The following MYCBP2 variants were observed in gnomAD, a reference collection of about 807,000 sequenced individuals.
MYCBP2 encodes the protein MYC binding protein 2.
MYCBP2 carries 120 observed loss-of-function variants against 525.3 expected under a neutral mutation model. That is an observed-to-expected ratio of 0.23 (90% CI 0.20 to 0.27). The LOEUF is 0.27. Ranked by LOEUF, MYCBP2 falls within the 10% of genes least tolerant of loss-of-function variation. The pLI, the probability that MYCBP2 is intolerant of heterozygous loss-of-function variation, is 1.00. For synonymous variants in MYCBP2, 1,894 were observed against 1,955.8 expected (o/e 0.97, Z 0.83); for missense variants, 4,149 against 5,657.1 (o/e 0.73, Z 8.55).
intron 80 of MYCBP2, among the ~76,000 whole-genome samples, chr13:77,054,529 A>T (rs556127831): frequency 1.8e-4 from 28 of 152,272 alleles, no homozygotes; most frequent in African/African-American, 6.7e-4. Context: ...TAATGGAAAG[A>T]AAAAAGGACT....
intron 21 of MYCBP2, among the ~76,000 whole-genome samples, chr13:77,213,683 A>G (rs963348437): frequency 2.6e-5 from 4 of 152,346 alleles, no homozygotes. Flanking sequence ...ATGTGGTTAT[A>G]AATAAGCCAC....
intron 61 of MYCBP2, chr13:77,087,863 C>G (rs2044623324): frequency 3.0e-6 from 1 of 331,106 alleles, no homozygotes; most frequent in African/African-American, 2.1e-5. Flanking sequence ...TCACTGCAGC[C>G]TCAAGCACCC....
chr13:77,122,573 C>T (rs2050922013), intron 54 of MYCBP2, among the ~76,000 whole-genome samples: 2 of 151,350 alleles, frequency 1.3e-5, no homozygotes, highest in South Asian at 4.2e-4. Context: ...CCTGTAGTCC[C>T]AGCTACTCAG....
At chr13:77,149,192 T>C (rs1331038784) in intron 47 of MYCBP2, among the ~76,000 whole-genome samples, 1 of 152,164 alleles carries the variant, frequency 6.6e-6, no homozygotes, top group Non-Finnish European at 1.5e-5. Context: ...CTTAATTATG[T>C]GTTGCTTCTT....
At chr13:77,315,166 T>C (rs1723718141) in intron 1 of MYCBP2, among the ~76,000 whole-genome samples, 1 of 152,150 alleles carries the variant, frequency 6.6e-6, no homozygotes, top group Admixed American at 6.5e-5. Context: ...TTCCCCAAAA[T>C]AAAATTCCAG....
chr13:77,166,454 C>T lies in MYCBP2; in HGVS notation c.6215G>A (p.Arg2072Lys), dbSNP rs1168195522. ...TCCATATCCTGAATTCTGAACAGTT[C>T]TGACAGGAATCAACAAACGAAGGAC... is the stretch of plus-strand genomic sequence containing the variant. ...EDVLRLLIPVRTVQNSGYGPK... is the reference protein window; with the variant it reads ...EDVLRLLIPVKTVQNSGYGPK... The change falls in exon 41 of 83, where the codon AGA (arginine) becomes AAA (lysine). Residue 2072 changes from arginine (R) to lysine (K), a missense_variant. By Grantham distance (26) the Arg-to-Lys change is conservative. Around this residue, in one of 21 missense-constraint regions of MYCBP2, gnomAD observed 692 missense variants for 852.7 expected, o/e 0.81. Transcript: ENST00000544440. The T allele has an allele frequency of 6.2e-7, 1 of 1,613,988 alleles. No homozygotes were observed. Among genetic ancestry groups the T allele is most frequent in the Admixed American group, 1.7e-5 (1 of 60,020 alleles).
At chr13:77,287,298 G>A (rs1053474418) in intron 3 of MYCBP2, among the ~76,000 whole-genome samples, 5 of 151,510 alleles carry the variant, frequency 3.3e-5, no homozygotes, top group African/African-American at 9.7e-5. Flanking sequence ...CAATTTTCCT[G>A]CCTCAGCCTC....
chr13:77,211,932 G>T (rs777356972), intron 22 of MYCBP2, 24 bp downstream of exon 22: 2 of 1,542,330 alleles, frequency 1.3e-6, no homozygotes, highest in Non-Finnish European at 1.8e-6. Flanking sequence ...TTTGGAAGGG[G>T]CATTTGTTTA....
At chr13:77,152,858 G>A (rs1409486791) in intron 46 of MYCBP2, among the ~76,000 whole-genome samples, 1 of 152,078 alleles carries the variant, frequency 6.6e-6, no homozygotes, top group Non-Finnish European at 1.5e-5. Context: ...AAGGTCAGGA[G>A]ATCGAGACCA....
intron 15 of MYCBP2, among the ~76,000 whole-genome samples, chr13:77,244,742 G>C (rs1337028888): frequency 6.6e-6 from 1 of 152,124 alleles, no homozygotes; most frequent in Non-Finnish European, 1.5e-5. Flanking sequence ...TACAGAATGG[G>C]AGAAAATTTT....
chr13:77,152,892 C>T (rs2056690972), intron 46 of MYCBP2, among the ~76,000 whole-genome samples: 2 of 151,842 alleles, frequency 1.3e-5, no homozygotes, highest in Non-Finnish European at 2.9e-5. Context: ...GGTGAAACCC[C>T]GTCTCTACTA....
chr13:77,261,443 A>G (rs1397341299), intron 11 of MYCBP2, 68 bp from the exon 12 acceptor site: 4 of 1,067,748 alleles, frequency 3.7e-6, no homozygotes, highest in Admixed American at 5.2e-5. Context: ...TCACATGAGG[A>G]AAAAAAAGGA....
At chr13:77,060,451 G>T (rs76751964) in intron 76 of MYCBP2, among the ~76,000 whole-genome samples, 4,483 of 152,284 alleles carry the variant, frequency 0.029, 95 homozygotes, top group East Asian at 0.053. Context: ...AATTGATTCG[G>T]ATTTACACCT....
chr13:77,176,461 C>G (rs762114397), intron 36 of MYCBP2, 36 bp downstream of exon 36: 2 of 1,519,106 alleles, frequency 1.3e-6, no homozygotes, highest in Admixed American at 1.8e-5. Context: ...ATAATAATAC[C>G]TCTTATTCAC....
chr13:77,098,843 T>C lies in MYCBP2; in HGVS notation c.8311A>G (p.Ile2771Val), dbSNP rs759111606. The C allele has an allele frequency of 2.3e-5, 37 of 1,613,568 alleles. No individual in the cohort carries two copies. The highest frequency in any genetic ancestry group is 6.7e-5 in the African/African-American group (5 of 74,858). ...AACTTTGCAGCATCAGATTTTAAGA[T>C]GAGGGATTCACTAGCAGATAAACTT... Reference protein sequence around the residue: ...TESLSASESLILKSDAAKLRS... With the variant: ...TESLSASESLVLKSDAAKLRS... Residue 2771 changes from isoleucine (I) to valine (V), a missense_variant, in exon 56 of 83, where the codon ATC (isoleucine) becomes GTC (valine). By Grantham distance (29) the Ile-to-Val change is conservative. Coordinates refer to ENST00000544440, the MANE Select transcript of MYCBP2 (RefSeq NM_015057.5).
Position 77,076,859 on chromosome 13 carries a change from A to G in MYCBP2, c.11725-10T>C. 6.3e-7 allele frequency: 1 copy of G among 1,585,628 alleles called. No homozygotes were observed. Among genetic ancestry groups the G allele is most frequent in the Non-Finnish European group, 8.6e-7 (1 of 1,156,270 alleles). ...TGAGCTTTCCAAATACCTGATGAAGATATGCATGTGAGAAGGAATTAATGA... is the reference window on the plus strand; with the variant it reads ...TGAGCTTTCCAAATACCTGATGAAGGTATGCATGTGAGAAGGAATTAATGA... On this transcript the variant is annotated splice_polypyrimidine_tract_variant and intron_variant, in intron 67 of 82. Coordinates refer to ENST00000544440, the MANE Select transcript of MYCBP2 (RefSeq NM_015057.5).
intron 4 of MYCBP2, among the ~76,000 whole-genome samples, chr13:77,276,666 GT>G (rs918291254): frequency 1.7e-4 from 25 of 151,428 alleles, no homozygotes; most frequent in African/African-American, 3.2e-4. Context: ...TTTTTTGGGG[GT>G]TTTTTTTTTG....
chr13:77,301,026 C>T lies in MYCBP2; in HGVS notation c.303-4352G>A, dbSNP rs557387456. On this transcript the variant is annotated intron_variant, in intron 1 of 82. Coordinates refer to ENST00000544440, the MANE Select transcript of MYCBP2 (RefSeq NM_015057.5). ...TAGATGCCCATGTGGGCTGAAATGA[C>T]AGACTGGAATCTAGAAAAGCTCTAG... 3.9e-5 allele frequency among the ~76,000 whole-genome samples: 6 copies of T among 152,234 alleles called. No homozygotes were observed. In the South Asian group the frequency reaches 1.0e-3, roughly 26 times the overall value.
Position 77,211,199 on chromosome 13 carries a change from C to A in MYCBP2, c.3384G>T (p.Val1128=). The A allele has an allele frequency of 6.6e-7, 1 of 1,509,192 alleles. No individual in the cohort carries two copies. Among genetic ancestry groups the A allele is most frequent in the Non-Finnish European group, 8.9e-7 (1 of 1,126,458 alleles). 93.5% of individuals were successfully genotyped at this position (1,509,192 alleles called of 1,614,324 possible). A position where few individuals can be genotyped will look rare whatever the true frequency, so the allele number is the denominator to read the frequency against. ...SEQEDLQGFG[V]CLDPVYDVIW... ...TTACATCATATACAGGATCAAGACACACACCAAATCCTTGCAGATCCTCTT... is the reference window on the plus strand; with the variant it reads ...TTACATCATATACAGGATCAAGACAAACACCAAATCCTTGCAGATCCTCTT... Residue 1128 remains valine (V), a synonymous_variant, in exon 23 of 83, where the codon GTG becomes GTT. Transcript: ENST00000544440.
Sources: allele counts gnomAD v4.1 joint callset (sites outside exome capture counted in the v4.1 genomes callset), GRCh38; gene constraint gnomAD v4.1.1; regional missense constraint gnomAD v4.1.1; transcripts MANE v1.5; gene names NCBI Gene and HGNC (gene_info 2026-07-23, HGNC 2026-07-21).